Variants in PCDH15 observed in about 807,000 individuals in gnomAD.
The protein encoded by PCDH15 is protocadherin-15.
In PCDH15, 129 loss-of-function variants were observed where a neutral mutation model predicts 178.5. The ratio of observed to expected loss-of-function variants is 0.72; its 90% confidence interval spans 0.63 to 0.84. The LOEUF is 0.84. Among genes scored for constraint, PCDH15 ranks in the 40% least tolerant of loss-of-function variants. PCDH15 has a pLI of 0.00. For missense variants in PCDH15, 2,230 were observed against 2,099.9 expected (o/e 1.06, Z -1.21); for synonymous variants, 800 against 732.0 (o/e 1.09, Z -1.50).
At chr10:53,837,772 C>T (rs918317537) in intron 29 of PCDH15, among the ~76,000 whole-genome samples, 7 of 147,740 alleles carry the variant, frequency 4.7e-5, no homozygotes, top group Admixed American at 4.1e-4. Context: ...CACACACATA[C>T]ACACATATAC....
rs1281062668 is a variant in PCDH15, at chr10:54,167,803, T to C, written c.1591-14510A>G. On this transcript the variant is annotated intron_variant, in intron 13 of 37. Coordinates refer to ENST00000644397, the MANE Select transcript of PCDH15 (RefSeq NM_001384140.1). ...TCCGCACCCCAACCTCGTATCTCTGTGCCCCAATCCCTTATTTCCATGCCC... is the reference window on the plus strand; with the variant it reads ...TCCGCACCCCAACCTCGTATCTCTGCGCCCCAATCCCTTATTTCCATGCCC... Among the ~76,000 whole-genome samples the C allele has an allele frequency of 1.8e-3, 271 of 149,492 alleles. 3 individuals are homozygous for C. Among genetic ancestry groups the C allele is most frequent in the African/African-American group, 6.3e-3 (248 of 39,354 alleles).
At chr10:53,892,272 G>A (rs987399992) in intron 26 of PCDH15, among the ~76,000 whole-genome samples, 6 of 151,774 alleles carry the variant, frequency 4.0e-5, no homozygotes, top group African/African-American at 7.3e-5. Context: ...TGATCCACCC[G>A]CCCCGGCCTC....
intron 2 of PCDH15, among the ~76,000 whole-genome samples, chr10:55,598,438 T>A (rs1263070351): frequency 2.0e-5 from 3 of 148,992 alleles, no homozygotes; most frequent in Admixed American, 6.8e-5. Flanking sequence ...GAGCCGGTTC[T>A]ATAATTGATA....
At position 54,339,950 on chromosome 10, in the gene PCDH15, C is replaced by T. The variant is rs184833652; in HGVS notation, c.594+6415G>A. 1.7e-3 allele frequency among the ~76,000 whole-genome samples: 256 copies of T among 152,198 alleles called. 1 individual carries two copies. Among genetic ancestry groups the T allele is most frequent in the Middle Eastern group, 0.01 (3 of 294 alleles). ...TCCTTGGTTATAAAGTCCCACTTGC[C>T]CATGCTTTATTTTTAGTTGAGTCCA... On this transcript the variant is annotated intron_variant, in intron 6 of 37. Coordinates refer to ENST00000644397, the MANE Select transcript of PCDH15 (RefSeq NM_001384140.1).
At chr10:53,943,623 T>C (rs1216229797) in intron 23 of PCDH15, among the ~76,000 whole-genome samples, 1 of 152,140 alleles carries the variant, frequency 6.6e-6, no homozygotes, top group East Asian at 1.9e-4. Context: ...AAAAAAGTAA[T>C]TGGCATAATT....
exon 1 of PCDH15, chr10:55,627,880 T>A (rs1380968812): frequency 1.3e-5 from 2 of 152,430 alleles, no homozygotes; most frequent in East Asian, 3.9e-4. Flanking sequence ...TCTTTTCGTC[T>A]GGCAAAGGGT....
intron 2 of PCDH15, among the ~76,000 whole-genome samples, chr10:55,069,987 G>C (rs1591876767): frequency 6.6e-6 from 1 of 151,996 alleles, no homozygotes. Context: ...GTGTGAGATG[G>C]TATCTCATTG....
At chr10:55,307,475 C>A (rs1843459625) in intron 1 of PCDH15, among the ~76,000 whole-genome samples, 1 of 151,586 alleles carries the variant, frequency 6.6e-6, no homozygotes, top group South Asian at 2.1e-4. Context: ...TGCACTCCAG[C>A]CTGGGCAACA....
chr10:54,757,473 G>A lies in PCDH15; in HGVS notation c.-29+43452C>T, dbSNP rs1473725172. The stretch of plus-strand genomic sequence containing the variant: ...AATTTTTGTATTTTTAGTAGAGACG[G>A]GGTTTCACCGTGTCAGCCAGGATGG... On this transcript the variant is annotated intron_variant, in intron 1 of 37. Transcript: ENST00000644397. Among the ~76,000 whole-genome samples the A allele has an allele frequency of 1.1e-4, 6 of 52,202 alleles. 2 individuals are homozygous for A. Among genetic ancestry groups the A allele is most frequent in the African/African-American group, 5.8e-4 (6 of 10,276 alleles). The allele number at this position is 52,202 out of a possible 152,430, so 34.2% of individuals were successfully genotyped here. A position where few individuals can be genotyped will look rare whatever the true frequency, so the allele number is the denominator to read the frequency against.
Position 54,107,098 on chromosome 10 carries a change from T to C in PCDH15, c.1918-17035A>G, listed in dbSNP as rs188248824. 7.2e-3 allele frequency among the ~76,000 whole-genome samples: 1,094 copies of C among 152,308 alleles called. 6 individuals are homozygous for C. Among genetic ancestry groups the C allele is most frequent in the Non-Finnish European group, 0.012 (785 of 68,018 alleles). ...CCAAATGTTTATACATGGTATTAATTTTCACGTATTAATATTTTATTAATA... is the reference window on the plus strand; with the variant it reads ...CCAAATGTTTATACATGGTATTAATCTTCACGTATTAATATTTTATTAATA... On this transcript the variant is annotated intron_variant, in intron 15 of 37. Transcript: ENST00000644397.
intron 3 of PCDH15, among the ~76,000 whole-genome samples, chr10:54,816,041 G>T (rs1952944936): frequency 6.6e-6 from 1 of 151,928 alleles, no homozygotes; most frequent in East Asian, 1.9e-4. Context: ...GCAGATTTTT[G>T]GTGGTGTAGG....
chr10:55,392,463 G>C (rs142954438), intron 2 of PCDH15, among the ~76,000 whole-genome samples: 2 of 152,038 alleles, frequency 1.3e-5, no homozygotes, highest in African/African-American at 4.8e-5. Flanking sequence ...GGAAAACTAA[G>C]GTATAGTTTT....
Position 55,130,700 on chromosome 10 carries a change from TGTGTGTG to T in PCDH15, c.-80+35869_-80+35875del, listed in dbSNP as rs2132077109. Among the ~76,000 whole-genome samples the T allele has an allele frequency of 2.0e-5, 3 of 151,040 alleles. No individual in the cohort carries two copies. The South Asian group carries it at 6.6e-4, about 33-fold the overall frequency. On this transcript the variant is annotated intron_variant, in intron 2 of 5. Transcript: ENST00000458638. ...ATACACGTGTGTGTGTGTGTGTGTG[TGTGTGTG>T]TGTGTGTGTGTGTGTGTGTATATAC...
At chr10:54,758,599 C>T (rs74136267) in intron 1 of PCDH15, among the ~76,000 whole-genome samples, 11,744 of 152,088 alleles carry the variant, frequency 0.077, 1,493 homozygotes, top group African/African-American at 0.27. Context: ...TTTTATTTTA[C>T]ACTTCATTTG....
chr10:54,465,363 A>G (rs1477035550), intron 3 of PCDH15, among the ~76,000 whole-genome samples: 2 of 152,018 alleles, frequency 1.3e-5, no homozygotes, highest in Non-Finnish European at 2.9e-5. Flanking sequence ...GTTTAAATGT[A>G]TGTTTAGACC....
intron 28 of PCDH15, among the ~76,000 whole-genome samples, chr10:53,843,903 C>T (rs2077813123): frequency 6.6e-6 from 1 of 151,988 alleles, no homozygotes. Context: ...CATCAGTGAA[C>T]AAAATACAAT....
At chr10:54,857,384 TA>T (rs1287952264) in intron 3 of PCDH15, among the ~76,000 whole-genome samples, 1 of 152,188 alleles carries the variant, frequency 6.6e-6, no homozygotes, top group Non-Finnish European at 1.5e-5. Context: ...AAATAAAATA[TA>T]AAATACTTAA....
intron 2 of PCDH15, among the ~76,000 whole-genome samples, chr10:54,952,272 C>T (rs1294709000): frequency 1.3e-5 from 2 of 151,822 alleles, no homozygotes; most frequent in African/African-American, 4.8e-5. Flanking sequence ...TATTATTCTT[C>T]ATCGAATTGC....
At chr10:55,391,999 A>G (rs2132014612) in intron 2 of PCDH15, among the ~76,000 whole-genome samples, 1 of 152,264 alleles carries the variant, frequency 6.6e-6, no homozygotes, top group Non-Finnish European at 1.5e-5. Flanking sequence ...TAACTGGTTT[A>G]GTTTCATTAT....
Sources: allele counts gnomAD v4.1 joint callset (sites outside exome capture counted in the v4.1 genomes callset), GRCh38; gene constraint gnomAD v4.1.1; transcripts MANE v1.5; gene names NCBI Gene and HGNC (gene_info 2026-07-23, HGNC 2026-07-21).